ADAMTSL3: variants seen among roughly 807,000 people sequenced by gnomAD.
ADAMTSL3 encodes ADAMTS like 3.
ADAMTSL3 carries 128 observed loss-of-function variants against 201.7 expected under a neutral mutation model. That is an observed-to-expected ratio of 0.63 (90% confidence interval 0.55 to 0.73). The LOEUF (loss-of-function observed/expected upper bound fraction) is 0.73. ADAMTSL3 is among the 30% of genes least tolerant of loss of function. ADAMTSL3 has a pLI of 0.00. For synonymous variants in ADAMTSL3, 738 were observed against 748.4 expected (o/e 0.99, Z 0.23); for missense variants, 1,990 against 2,119.6 (o/e 0.94, Z 1.20).
intron 2 of ADAMTSL3, among the ~76,000 whole-genome samples, chr15:83,695,745 C>T (rs2061679336): frequency 6.6e-6 from 1 of 152,138 alleles, no homozygotes; most frequent in African/African-American, 2.4e-5. Flanking sequence ...TTTAAACCCT[C>T]CCTTCCAATC....
At chr15:83,682,952 G>A (rs922300161) in intron 2 of ADAMTSL3, among the ~76,000 whole-genome samples, 2 of 152,160 alleles carry the variant, frequency 1.3e-5, no homozygotes, top group African/African-American at 4.8e-5. Context: ...GGACTAAACT[G>A]CCTAGTGGTG....
intron 23 of ADAMTSL3, among the ~76,000 whole-genome samples, chr15:84,013,454 C>CA (rs1214094211): frequency 6.6e-6 from 1 of 152,206 alleles, no homozygotes; most frequent in African/African-American, 2.4e-5. Flanking sequence ...AAACATCCCC[C>CA]AAAACAGTTG....
chr15:83,893,038 G>A (rs1447252085), intron 13 of ADAMTSL3, 150 bp downstream of exon 13: 19 of 680,746 alleles, frequency 2.8e-5, no homozygotes, highest in Non-Finnish European at 4.4e-5. Context: ...GAAGACAGTT[G>A]GAGGACGAGG....
At chr15:83,927,890 C>T (rs939656587) in intron 17 of ADAMTSL3, among the ~76,000 whole-genome samples, 2 of 152,050 alleles carry the variant, frequency 1.3e-5, no homozygotes, top group East Asian at 3.9e-4. Context: ...CTAGCCAGTA[C>T]TCTCTTTCTA....
chr15:83,658,843 C>T (rs886075754), intron 2 of ADAMTSL3, among the ~76,000 whole-genome samples: 2 of 152,174 alleles, frequency 1.3e-5, no homozygotes, highest in African/African-American at 4.8e-5. Flanking sequence ...GTTGACTGTG[C>T]CCTGAATTAC....
At chr15:83,757,569 G>C (rs971189662) in intron 3 of ADAMTSL3, among the ~76,000 whole-genome samples, 30 of 152,304 alleles carry the variant, frequency 2.0e-4, no homozygotes, top group Non-Finnish European at 3.8e-4. Context: ...TGCTGCAAAG[G>C]TCTCTGACAT....
chr15:83,680,450 AT>A (rs2061462673), intron 2 of ADAMTSL3, among the ~76,000 whole-genome samples: 1 of 150,144 alleles, frequency 6.7e-6, no homozygotes, highest in Non-Finnish European at 1.5e-5. Context: ...ATCTTTGATA[AT>A]TTCGATACTT....
intron 4 of ADAMTSL3, among the ~76,000 whole-genome samples, chr15:83,785,907 G>A (rs894664400): frequency 2.6e-4 from 39 of 151,582 alleles, no homozygotes; most frequent in African/African-American, 6.3e-4. Context: ...ACAGTGGTGC[G>A]ATCTCAGCTC....
At chr15:83,850,129 C>A (rs1423424928) in intron 7 of ADAMTSL3, among the ~76,000 whole-genome samples, 4 of 152,002 alleles carry the variant, frequency 2.6e-5, no homozygotes, top group African/African-American at 2.4e-5. Flanking sequence ...AAAACAGAAA[C>A]CATCAGAAGA....
intron 23 of ADAMTSL3, among the ~76,000 whole-genome samples, chr15:84,005,034 C>T (rs2067869160): frequency 6.6e-6 from 1 of 152,106 alleles, no homozygotes; most frequent in African/African-American, 2.4e-5. Context: ...CCCTACCATT[C>T]CTGAGGAGAA....
intron 2 of ADAMTSL3, among the ~76,000 whole-genome samples, chr15:83,672,176 G>C (rs1337117448): frequency 6.6e-6 from 1 of 152,188 alleles, no homozygotes; most frequent in East Asian, 1.9e-4. Flanking sequence ...AGAGAATTCT[G>C]AGGGTTGGTA....
chr15:83,956,089 C>T (rs932790532), intron 19 of ADAMTSL3, among the ~76,000 whole-genome samples: 6 of 152,238 alleles, frequency 3.9e-5, no homozygotes, highest in African/African-American at 4.8e-5. Flanking sequence ...ACTCAGGCTC[C>T]GGCCACTGGA....
chr15:83,890,332 A>G, intron 11 of ADAMTSL3, 85 bp downstream of exon 11: 1 of 1,504,272 alleles, frequency 6.6e-7, no homozygotes, highest in Admixed American at 2.2e-5. Context: ...GCAGGGCAAT[A>G]CATTTCCATT....
At chr15:83,885,080 C>T (rs2141869541) in intron 9 of ADAMTSL3, 21 bp from the exon 10 acceptor site, 1 of 1,561,038 alleles carries the variant, frequency 6.4e-7, no homozygotes, top group East Asian at 2.2e-5. Flanking sequence ...CACGTGTGTT[C>T]TCACAGTTCT....
At chr15:83,764,380 A>G (rs2062858101) in intron 3 of ADAMTSL3, among the ~76,000 whole-genome samples, 2 of 151,784 alleles carry the variant, frequency 1.3e-5, no homozygotes, top group South Asian at 4.2e-4. Flanking sequence ...TCCACTCTCC[A>G]CCCTTCCCTG....
At chr15:83,895,591 T>A (rs1031335026) in intron 13 of ADAMTSL3, among the ~76,000 whole-genome samples, 17 of 152,126 alleles carry the variant, frequency 1.1e-4, no homozygotes, top group Admixed American at 1.1e-3. Flanking sequence ...CACAGAGGAG[T>A]TCTGGAACCG....
intron 23 of ADAMTSL3, among the ~76,000 whole-genome samples, chr15:84,009,216 C>T (rs2067960790): frequency 6.6e-6 from 1 of 152,134 alleles, no homozygotes; most frequent in African/African-American, 2.4e-5. Flanking sequence ...CAGGCTATGA[C>T]CTGAGCCCCA....
chr15:83,801,119 A>G (rs2063508126), intron 4 of ADAMTSL3, among the ~76,000 whole-genome samples: 1 of 152,222 alleles, frequency 6.6e-6, no homozygotes, highest in Non-Finnish European at 1.5e-5. Context: ...AATAAATTTA[A>G]GAATCAAATA....
intron 8 of ADAMTSL3, among the ~76,000 whole-genome samples, chr15:83,868,374 T>C (rs1001630117): frequency 6.6e-6 from 1 of 152,012 alleles, no homozygotes; most frequent in Non-Finnish European, 1.5e-5. Flanking sequence ...CACCACAAAC[T>C]CCTTTTTTTG....
Sources: allele counts gnomAD v4.1 joint callset (sites outside exome capture counted in the v4.1 genomes callset), GRCh38; gene constraint gnomAD v4.1.1; transcripts MANE v1.5; gene names NCBI Gene and HGNC (gene_info 2026-07-23, HGNC 2026-07-21).